PCDHA4: variants seen among roughly 807,000 people sequenced by gnomAD.
PCDHA4 encodes the protein protocadherin alpha 4.
Under a neutral mutation model 61.4 loss-of-function variants are expected in PCDHA4, and 49 were observed. The ratio of observed to expected loss-of-function variants is 0.80; its 90% confidence interval spans 0.63 to 1.01. PCDHA4 has a LOEUF of 1.01. Ranked by LOEUF, PCDHA4 falls within the 50% of genes least tolerant of loss-of-function variation. The pLI is 0.00. For missense variants in PCDHA4, 1,254 were observed against 1,235.8 expected (o/e 1.01, Z -0.22); for synonymous variants, 590 against 550.3 (o/e 1.07, Z -1.01).
intron 1 of PCDHA4, chr5:140,871,159 G>A (rs781816033): frequency 1.2e-6 from 2 of 1,613,450 alleles, no homozygotes; most frequent in African/African-American, 1.3e-5. Flanking sequence ...GGCGGGCGCC[G>A]CGAGCCCAGA....
At position 140,969,365 on chromosome 5, in the gene PCDHA4, C is replaced by T. The variant is rs190730712; in HGVS notation, c.2386-9584C>T. The T allele has an allele frequency of 5.3e-5, 86 of 1,610,040 alleles. No homozygotes were observed. The African/African-American group carries it at 9.2e-4, about 17-fold the overall frequency. On this transcript the variant is annotated intron_variant, in intron 1 of 3. Transcript: ENST00000530339. ...GTGGTCAGGGGGTCTTCTACAAACT[C>T]ATGCATTTGTTACACATCCCCCAAT...
Position 140,807,575 on chromosome 5 carries a change from C to A in PCDHA4, c.388C>A (p.Pro130Thr). 3.7e-6 allele frequency: 6 copies of A among 1,614,164 alleles called. No homozygotes were observed. The highest frequency in any genetic ancestry group is 2.5e-6 in the Non-Finnish European group (3 of 1,180,030). Residue 130 changes from proline (P) to threonine (T), a missense_variant, in exon 1 of 4, where the codon CCG becomes ACG. By Grantham distance (38) the Pro-to-Thr change is conservative. Coordinates refer to ENST00000530339, the MANE Select transcript of PCDHA4 (RefSeq NM_018907.4). ...GGAGGTGAGGGACATTAACGATAAC[C>A]CGCCGGTGTTCCCAGCAACACAAAA... Reference protein sequence around the residue: ...DVEVRDINDNPPVFPATQKNL... With the variant: ...DVEVRDINDNTPVFPATQKNL...
chr5:140,809,134 A>G lies in PCDHA4; in HGVS notation c.1947A>G (p.Val649=), dbSNP rs1764374318. ...ACGCTCCGCGCCACCGCCTACTGGT[A>G]CTGGTGAAGGACCACGGCGAGCCCG... is the stretch of plus-strand genomic sequence containing the variant. ...ETDAPRHRLL[V]LVKDHGEPAL... The change falls in exon 1 of 4, where the codon GTA becomes GTG. Residue 649 remains valine (V), a synonymous_variant. Coordinates refer to ENST00000530339, the MANE Select transcript of PCDHA4 (RefSeq NM_018907.4). 1 of 1,613,908 alleles carries G rather than the reference A, an allele frequency of 6.2e-7. No homozygotes were observed. Among genetic ancestry groups the G allele is most frequent in the Non-Finnish European group, 8.5e-7 (1 of 1,179,898 alleles).
intron 1 of PCDHA4, among the ~76,000 whole-genome samples, chr5:140,935,985 C>T (rs155825): frequency 0.32 from 47,782 of 150,880 alleles, 7,901 homozygotes; most frequent in East Asian, 0.53. Context: ...CTCTGCCTCC[C>T]GGGTTCAAGC....
intron 1 of PCDHA4, chr5:140,928,716 C>T (rs555492959): frequency 3.1e-6 from 5 of 1,614,178 alleles, no homozygotes; most frequent in East Asian, 4.5e-5. Flanking sequence ...ACTCTAGTCT[C>T]TTTAGAATTT....
At chr5:140,896,090 C>T (rs1312909051) in intron 1 of PCDHA4, among the ~76,000 whole-genome samples, 2 of 152,152 alleles carry the variant, frequency 1.3e-5, no homozygotes, top group African/African-American at 4.8e-5. Flanking sequence ...GGATTACAGG[C>T]GTGAGCCACT....
rs138450064 is a variant in PCDHA4, at chr5:140,818,961, A to G, written c.2385+9389A>G. Among the ~76,000 whole-genome samples, 26 of 152,350 alleles carry G rather than the reference A, an allele frequency of 1.7e-4. No individual in the cohort carries two copies. In the East Asian group the frequency reaches 4.6e-3, roughly 27 times the overall value. Reference sequence around the variant, plus strand: ...CATGAACATTGATATTCACTATCTCAGGGATATGTTAGAACTATTCTCATA... The same window carrying G: ...CATGAACATTGATATTCACTATCTCGGGGATATGTTAGAACTATTCTCATA... On this transcript the variant is annotated intron_variant, in intron 1 of 3. Coordinates refer to ENST00000530339, the MANE Select transcript of PCDHA4 (RefSeq NM_018907.4).
chr5:140,987,228 TAATA>T (rs1459014222), intron 3 of PCDHA4, among the ~76,000 whole-genome samples: 2 of 149,038 alleles, frequency 1.3e-5, no homozygotes, highest in Non-Finnish European at 3.0e-5. Flanking sequence ...AAAAAAAAAA[TAATA>T]AATAAAGAAA....
rs374310903 is a variant in PCDHA4 at position 140,968,575 on chromosome 5, G to A, written c.2386-10374G>A. 16 of 1,614,016 alleles carry A rather than the reference G, an allele frequency of 9.9e-6. No homozygotes were observed. In the African/African-American group the frequency reaches 2.1e-4, roughly 22 times the overall value. ...CTCGAACTGCCCCTGCTGGCTACCT[G>A]GTCACCAAAGTCATAGCTATGGACT... On this transcript the variant is annotated intron_variant, in intron 1 of 3. Transcript: ENST00000530339.
intron 1 of PCDHA4, chr5:140,877,080 C>A (rs113692468): frequency 9.9e-6 from 16 of 1,612,944 alleles, no homozygotes; most frequent in Non-Finnish European, 1.4e-5. Flanking sequence ...TCCAGGTGAG[C>A]GCGCGCGACG....
intron 1 of PCDHA4, chr5:140,926,720 T>C (rs2083499438): frequency 2.0e-6 from 2 of 1,002,404 alleles, no homozygotes; most frequent in Non-Finnish European, 2.7e-6. Flanking sequence ...GCCCCGGCAA[T>C]GCCGGCGTTC....
intron 1 of PCDHA4, chr5:140,842,173 T>C: frequency 6.2e-7 from 1 of 1,613,902 alleles, no homozygotes; most frequent in Non-Finnish European, 8.5e-7. Context: ...TTAATAGCCT[T>C]GTTGAAACTA....
chr5:140,931,907 G>A (rs573618162), intron 1 of PCDHA4, among the ~76,000 whole-genome samples: 107 of 151,900 alleles, frequency 7.0e-4, no homozygotes, highest in Middle Eastern at 3.5e-3. Context: ...CATTTGAAAA[G>A]CATGACATTT....
At chr5:140,884,907 C>T (rs1263861482) in intron 1 of PCDHA4, among the ~76,000 whole-genome samples, 2 of 152,148 alleles carry the variant, frequency 1.3e-5, no homozygotes, top group Non-Finnish European at 2.9e-5. Flanking sequence ...CTGTTGTATT[C>T]TTAATAGTTC....
intron 1 of PCDHA4, among the ~76,000 whole-genome samples, chr5:140,934,664 T>G (rs1268113575): frequency 1.3e-5 from 2 of 152,176 alleles, no homozygotes; most frequent in Admixed American, 6.5e-5. Flanking sequence ...TCTTCCCCTT[T>G]GTTTAGCAGT....
chr5:140,922,164 A>G lies in PCDHA4; in HGVS notation c.2386-56785A>G, dbSNP rs1382732959. Among the ~76,000 whole-genome samples the G allele has an allele frequency of 2.1e-5, 3 of 145,926 alleles. No individual in the cohort carries two copies. The East Asian group carries it at 6.4e-4, about 31-fold the overall frequency. Reference sequence around the variant, plus strand: ...CATGAAACTCATCAAAAACAACAAAAAGTACAGCAGACAAAAAAAAAGTCT... The same window carrying G: ...CATGAAACTCATCAAAAACAACAAAGAGTACAGCAGACAAAAAAAAAGTCT... On this transcript the variant is annotated intron_variant, in intron 1 of 3. Transcript: ENST00000530339.
chr5:140,862,480 G>A (rs1293172271), intron 1 of PCDHA4: 1 of 381,094 alleles, frequency 2.6e-6, no homozygotes, highest in East Asian at 7.1e-5. Flanking sequence ...TCTATCCATT[G>A]TTGGTAATCG....
At chr5:140,965,113 G>C (rs1343720863) in intron 1 of PCDHA4, among the ~76,000 whole-genome samples, 1 of 152,218 alleles carries the variant, frequency 6.6e-6, no homozygotes, top group Non-Finnish European at 1.5e-5. Context: ...ATGACCCATA[G>C]AGGAAGATCT....
At chr5:140,836,137 T>C (rs1774231095) in intron 1 of PCDHA4, 1 of 1,613,594 alleles carries the variant, frequency 6.2e-7, no homozygotes, top group South Asian at 1.1e-5. Context: ...CCGCGGTCTG[T>C]GGGCGCGGGC....
Sources: gnomAD v4.1 joint callset for allele counts (sites outside exome capture counted in the v4.1 genomes callset) on GRCh38, gnomAD v4.1.1 for gene constraint, MANE v1.5 for transcripts, NCBI Gene and HGNC (gene_info 2026-07-23, HGNC 2026-07-21) for gene names.